Variants in TVP23C observed in about 807,000 individuals in gnomAD.
The protein encoded by TVP23C is Golgi apparatus membrane protein TVP23 homolog C.
Under a neutral mutation model 28.7 loss-of-function variants are expected in TVP23C, and 19 were observed. The observed-to-expected ratio is 0.66, with a 90% CI of 0.46 to 0.97. TVP23C has a LOEUF of 0.97. Among genes scored for constraint, TVP23C ranks in the 50% least tolerant of loss-of-function variants. TVP23C has a pLI of 0.00. For missense variants in TVP23C, 186 were observed against 241.3 expected, an observed-to-expected ratio of 0.77 and a Z score of 1.52; for synonymous variants, 68 against 81.7, an observed-to-expected ratio of 0.83 and a Z score of 0.90.
chr17:15,532,566 C>T (rs907389534), downstream of TVP23C, among the ~76,000 whole-genome samples: 1 of 152,130 alleles, frequency 6.6e-6, no homozygotes, highest in African/African-American at 2.4e-5. Flanking sequence ...TTATTGATCA[C>T]GGAAAGTCAG....
rs190895056 is a variant in TVP23C at position 15,544,819 on chromosome 17, T to C, written c.462+966A>G. Among the ~76,000 whole-genome samples, 53 of 152,110 alleles carry C rather than the reference T, an allele frequency of 3.5e-4. No homozygotes were observed. The East Asian group carries it at 9.9e-3, about 28-fold the overall frequency. ...AATCCAAAGAAGGAAAGTATGAATG[T>C]ATGAGCACACACAAAGAAAAAAAGA... On this transcript the variant is annotated intron_variant, in intron 5 of 5. Transcript: ENST00000518321.
At chr17:15,549,126 T>G (rs1366851079) in intron 3 of TVP23C, among the ~76,000 whole-genome samples, 1 of 152,214 alleles carries the variant, frequency 6.6e-6, no homozygotes, top group East Asian at 1.9e-4. Flanking sequence ...ATGTGAAAAC[T>G]TATTCATGAG....
chr17:15,502,958 C>A (rs775637111), exon 6 of TVP23C: 5 of 1,614,144 alleles, frequency 3.1e-6, no homozygotes, highest in East Asian at 2.2e-5. Context: ...GGCCCAAAGC[C>A]GCAAGGAGAG....
chr17:15,520,361 A>G (rs1047445845), intron 5 of TVP23C, among the ~76,000 whole-genome samples: 39 of 148,096 alleles, frequency 2.6e-4, no homozygotes, highest in Admixed American at 6.8e-4. Flanking sequence ...GTTTCAGATC[A>G]CCTAACGTCC....
At chr17:15,557,840 G>A (rs1205366015) in intron 1 of TVP23C, among the ~76,000 whole-genome samples, 1 of 138,898 alleles carries the variant, frequency 7.2e-6, no homozygotes, top group East Asian at 2.1e-4. Context: ...GACAGTCCGC[G>A]TAGGCCTCCC....
chr17:15,524,604 C>T (rs185024997), intron 5 of TVP23C, among the ~76,000 whole-genome samples: 199 of 152,284 alleles, frequency 1.3e-3, no homozygotes, highest in African/African-American at 4.3e-3. Flanking sequence ...CCCAAAGAGG[C>T]TTTCCAGAGG....
chr17:15,548,504 T>C (rs1411534159), intron 3 of TVP23C, among the ~76,000 whole-genome samples: 1 of 152,186 alleles, frequency 6.6e-6, no homozygotes, highest in Non-Finnish European at 1.5e-5. Flanking sequence ...TTGAAAGTAG[T>C]TAGCATATCA....
intron 5 of TVP23C, among the ~76,000 whole-genome samples, chr17:15,515,504 G>A (rs1405194574): frequency 2.6e-5 from 4 of 152,160 alleles, no homozygotes; most frequent in Non-Finnish European, 4.4e-5. Flanking sequence ...AGCCTGAGAC[G>A]TGAGCAATGA....
intron 5 of TVP23C, among the ~76,000 whole-genome samples, chr17:15,510,277 C>A (rs1286257071): frequency 6.6e-6 from 1 of 152,078 alleles, no homozygotes; most frequent in Non-Finnish European, 1.5e-5. Context: ...CTTGAGCTAA[C>A]AAACAAATCA....
At chr17:15,518,334 A>G (rs933522556) in intron 5 of TVP23C, among the ~76,000 whole-genome samples, 15 of 152,148 alleles carry the variant, frequency 9.9e-5, no homozygotes, top group African/African-American at 3.4e-4. Context: ...TTGCAATGCT[A>G]CGTACTGTAT....
intron 5 of TVP23C, 140 bp downstream of exon 5, chr17:15,545,645 G>A (rs1983611503): frequency 4.6e-6 from 6 of 1,298,424 alleles, no homozygotes; most frequent in Non-Finnish European, 6.1e-6. Context: ...AAGTTGGGAA[G>A]CAAAACTTGG....
At position 15,553,809 on chromosome 17, in the gene TVP23C, A is replaced by G. The variant is rs199666777; in HGVS notation, c.116T>C (p.Phe39Ser). 6.2e-7 allele frequency: 1 copy of G among 1,613,912 alleles called. No homozygotes were observed. Among genetic ancestry groups the G allele is most frequent in the South Asian group, 1.1e-5 (1 of 91,050 alleles). Residue 39 changes from phenylalanine (F) to serine (S), a missense_variant, in exon 3 of 6, where the codon TTC becomes TCC. By Grantham distance (155) the Phe-to-Ser change is radical. Transcript: ENST00000518321. ...TGCACTGACTCGAAAGAATAAGTGG[A>G]AAAACGATGCTACTGGATGTCTGAA... is the stretch of plus-strand genomic sequence containing the variant. ...AKIRHPVASF[F>S]HLFFRVSAII...
intron 5 of TVP23C, among the ~76,000 whole-genome samples, chr17:15,507,564 C>T (rs921458874): frequency 1.3e-5 from 2 of 152,164 alleles, no homozygotes; most frequent in Non-Finnish European, 2.9e-5. Flanking sequence ...ATAGGCCGGG[C>T]GCGGTGGCTC....
intron 5 of TVP23C, among the ~76,000 whole-genome samples, chr17:15,508,569 TCA>T (rs1236469777): frequency 6.6e-6 from 1 of 152,160 alleles, no homozygotes; most frequent in Non-Finnish European, 1.5e-5. Flanking sequence ...CCCTTAGGAC[TCA>T]CATGCCTTTG....
chr17:15,519,638 C>T (rs1017279012), intron 5 of TVP23C, among the ~76,000 whole-genome samples: 2 of 152,124 alleles, frequency 1.3e-5, no homozygotes, highest in African/African-American at 4.8e-5. Flanking sequence ...TGGCCAGGCG[C>T]GGTGGCTCAC....
chr17:15,545,797 T>C lies in TVP23C; in HGVS notation c.450A>G (p.Thr150=). 6.2e-7 allele frequency: 1 copy of C among 1,613,338 alleles called. No individual in the cohort carries two copies. Among genetic ancestry groups the C allele is most frequent in the Non-Finnish European group, 8.5e-7 (1 of 1,179,822 alleles). Residue 150 remains threonine, a synonymous_variant, in exon 5 of 6, where the codon ACA becomes ACG. Coordinates refer to ENST00000518321, the MANE Select transcript of TVP23C (RefSeq NM_001135036.2). ...IFAFSALFSF[T]VKWLAVVIMG... is the part of the protein sequence containing the mutation. ...CACTGATACTCACCAGCCACTTTAC[T>C]GTGAAGGAGAAGAGTGCACTAAAGG...
At chr17:15,560,744 C>G (rs897391992) in intron 1 of TVP23C, among the ~76,000 whole-genome samples, 1 of 148,722 alleles carries the variant, frequency 6.7e-6, no homozygotes, top group Non-Finnish European at 1.5e-5. Context: ...TCAGTACAGA[C>G]GGGGTTTCAC....
intron 5 of TVP23C, among the ~76,000 whole-genome samples, chr17:15,515,548 G>T (rs1391950752): frequency 1.3e-5 from 2 of 152,186 alleles, no homozygotes; most frequent in African/African-American, 2.4e-5. Context: ...TTTTCATGCT[G>T]AAAAAGTACT....
chr17:15,517,171 C>A (rs549192697), intron 5 of TVP23C, among the ~76,000 whole-genome samples: 1 of 152,166 alleles, frequency 6.6e-6, no homozygotes, highest in South Asian at 2.1e-4. Flanking sequence ...GGCTGTCTAC[C>A]CTTTCCGCCT....
Sources: allele counts gnomAD v4.1 joint callset (sites outside exome capture counted in the v4.1 genomes callset), GRCh38; gene constraint gnomAD v4.1.1; transcripts MANE v1.5; gene names NCBI Gene and HGNC (gene_info 2026-07-23, HGNC 2026-07-21).